Variants in YTHDC1 observed in about 807,000 individuals in gnomAD.
YTHDC1 encodes the protein YTH N6-methyladenosine RNA binding protein C1.
In YTHDC1, 12 loss-of-function variants were observed where a neutral mutation model predicts 107.0. That is an observed-to-expected ratio of 0.11 (90% CI 0.07 to 0.18). The LOEUF (loss-of-function observed/expected upper bound fraction) is 0.18. YTHDC1 is among the 10% of genes least tolerant of loss of function. The probability of loss-of-function intolerance (pLI) is 1.00; values close to 1 mark genes in which losing one functional copy is unlikely to be tolerated. For missense variants in YTHDC1, 635 were observed against 898.8 expected, an observed-to-expected ratio of 0.71 and a Z score of 3.75; for synonymous variants, 280 against 289.5, an observed-to-expected ratio of 0.97 and a Z score of 0.33.
At chr4:68,329,936 A>G (rs1015924089) in intron 9 of YTHDC1, 66 bp downstream of exon 9, 5 of 1,215,734 alleles carry the variant, frequency 4.1e-6, no homozygotes, top group Non-Finnish European at 6.0e-6. Flanking sequence ...TTTCACTTTA[A>G]CACATTATTC....
chr4:68,339,770 A>G (rs1724612048), intron 1 of YTHDC1, among the ~76,000 whole-genome samples: 1 of 152,188 alleles, frequency 6.6e-6, no homozygotes, highest in African/African-American at 2.4e-5. Flanking sequence ...AATGTGCTAT[A>G]TAATAAAAAA....
rs1724291565 is a variant in YTHDC1 at position 68,337,299 on chromosome 4, C to T, written c.611G>A (p.Gly204Glu). The T allele has an allele frequency of 1.2e-6, 2 of 1,613,776 alleles. No homozygotes were observed. Among genetic ancestry groups the T allele is most frequent in the Admixed American group, 1.7e-5 (1 of 59,948 alleles). Residue 204 changes from glycine (G) to glutamate (E), a missense_variant, in exon 4 of 17, where the codon GGA becomes GAA. Coordinates refer to ENST00000344157, the MANE Select transcript of YTHDC1 (RefSeq NM_001031732.4). ...ATCTTCCTCCACATCTTCTTCCACT[C>T]CTTCCTCCTCATTCTCAGTGTTGTT... ...QGNNTENEEE[G>E]VEEDVEEDEE...
At chr4:68,320,299 T>C (rs1722309538) in intron 11 of YTHDC1, 94 bp from the exon 12 acceptor site, 3 of 801,712 alleles carry the variant, frequency 3.7e-6, no homozygotes, top group Non-Finnish European at 3.8e-6. Flanking sequence ...GTACAAAGAA[T>C]AACCCATTAT....
Position 68,312,191 on chromosome 4 carries a change from TA to T in YTHDC1, c.*1907del, listed in dbSNP as rs1185093747. ...TAGAAACACCAAATAAAAACATGGG[TA>T]AAATCTTGGCCCATCAATTACTACC... is the stretch of plus-strand genomic sequence containing the variant. On this transcript the variant is annotated 3_prime_UTR_variant, in exon 17 of 17. Transcript: ENST00000344157. 1.3e-5 allele frequency: 2 copies of T among 152,194 alleles called. No individual in the cohort carries two copies. The highest frequency in any genetic ancestry group is 2.9e-5 in the Non-Finnish European group (2 of 68,022). 9.4% of individuals were successfully genotyped at this position (152,194 alleles called of 1,614,324 possible).
At position 68,325,610 on chromosome 4, in the gene YTHDC1, T is replaced by C. The variant is rs767894666; in HGVS notation, c.1350-1387A>G. Among the ~76,000 whole-genome samples, 6 of 152,146 alleles carry C rather than the reference T, an allele frequency of 3.9e-5. 1 individual carries two copies. The highest frequency in any genetic ancestry group is 7.4e-5 in the Non-Finnish European group (5 of 68,020). ...TTTGCCTTGGCTGATTGTGAATAAA[T>C]GGGCTCAAGCAATCCTCTCACCTCA... On this transcript the variant is annotated intron_variant, in intron 9 of 16. Coordinates refer to ENST00000344157, the MANE Select transcript of YTHDC1 (RefSeq NM_001031732.4).
intron 15 of YTHDC1, among the ~76,000 whole-genome samples, chr4:68,318,247 C>T (rs986842075): frequency 4.6e-5 from 7 of 152,090 alleles, no homozygotes; most frequent in African/African-American, 7.2e-5. Flanking sequence ...TACAGGCACA[C>T]GCCACCACAC....
intron 4 of YTHDC1, among the ~76,000 whole-genome samples, chr4:68,335,653 G>A (rs1458788205): frequency 1.3e-5 from 2 of 151,822 alleles, no homozygotes; most frequent in Non-Finnish European, 2.9e-5. Context: ...ACAACAAAAC[G>A]TTCCCTACCC....
At chr4:68,325,937 T>C (rs576258765) in intron 9 of YTHDC1, among the ~76,000 whole-genome samples, 25 of 152,192 alleles carry the variant, frequency 1.6e-4, no homozygotes, top group African/African-American at 3.9e-4. Context: ...GAATTTTTTT[T>C]CCCCCTTTTC....
chr4:68,319,504 CT>C (rs1303902287), intron 12 of YTHDC1, among the ~76,000 whole-genome samples: 5 of 152,126 alleles, frequency 3.3e-5, no homozygotes, highest in African/African-American at 1.2e-4. Flanking sequence ...AAGAATGAGG[CT>C]AATCAAGCCA....
At chr4:68,314,912 T>C (rs1403141813) in intron 16 of YTHDC1, among the ~76,000 whole-genome samples, 1 of 152,182 alleles carries the variant, frequency 6.6e-6, no homozygotes, top group Non-Finnish European at 1.5e-5. Context: ...CTTACCTTAC[T>C]GATTTTGGTC....
At chr4:68,339,852 T>G (rs1473883886) in intron 1 of YTHDC1, among the ~76,000 whole-genome samples, 4 of 152,192 alleles carry the variant, frequency 2.6e-5, no homozygotes, top group African/African-American at 9.6e-5. Context: ...ATGACTTTAT[T>G]CAATGATCAT....
chr4:68,337,005 T>C (rs1461002506), intron 4 of YTHDC1, 22 bp downstream of exon 4: 3 of 1,550,346 alleles, frequency 1.9e-6, no homozygotes, highest in Admixed American at 2.0e-5. Context: ...TAAGACAAAC[T>C]TTTACATATA....
At chr4:68,332,715 A>G in intron 6 of YTHDC1, 79 bp downstream of exon 6, 1 of 1,243,074 alleles carries the variant, frequency 8.0e-7, no homozygotes, top group Non-Finnish European at 1.2e-6. Flanking sequence ...CATTAAAAGC[A>G]GCTATTAATG....
Position 68,349,808 on chromosome 4 carries a change from G to A in YTHDC1, c.-55C>T. On this transcript the variant is annotated 5_prime_UTR_variant, in exon 1 of 17. Transcript: ENST00000344157. Reference sequence around the variant, plus strand: ...CGCCGCCGCCGCTTAGACGCGACTCGCGCGGGCGCCGCAGCCGCGGCAGAA... The same window carrying A: ...CGCCGCCGCCGCTTAGACGCGACTCACGCGGGCGCCGCAGCCGCGGCAGAA... The A allele has an allele frequency of 6.2e-7, 1 of 1,610,158 alleles. No homozygotes were observed. The highest frequency in any genetic ancestry group is 1.7e-4 in the Middle Eastern group (1 of 6,056).
intron 9 of YTHDC1, among the ~76,000 whole-genome samples, chr4:68,329,679 G>A (rs539458987): frequency 4.0e-5 from 6 of 151,804 alleles, no homozygotes; most frequent in South Asian, 2.1e-4. Context: ...AGTTACCTCC[G>A]AAATTGTTAG....
At chr4:68,336,019 A>G (rs1401282400) in intron 4 of YTHDC1, among the ~76,000 whole-genome samples, 3 of 147,930 alleles carry the variant, frequency 2.0e-5, no homozygotes, top group Non-Finnish European at 4.5e-5. Context: ...TATAAAATAT[A>G]TAGTATAGAT....
chr4:68,338,915 A>G (rs540813758), intron 1 of YTHDC1, among the ~76,000 whole-genome samples: 8 of 152,226 alleles, frequency 5.3e-5, no homozygotes, highest in Non-Finnish European at 1.2e-4. Flanking sequence ...TATACATCTC[A>G]GAAGGCATGA....
In YTHDC1 at chr4:68,343,816, A is replaced by G. The variant is rs563903863; in HGVS notation, c.29-5432T>C. On this transcript the variant is annotated intron_variant, in intron 1 of 16. Transcript: ENST00000344157. ...TTTGTTCCAAAATTAAGATGTCACA[A>G]AAAGATGGATTTTTTTATAATGTGC... Among the ~76,000 whole-genome samples, 23 of 152,146 alleles carry G rather than the reference A, an allele frequency of 1.5e-4. No individual in the cohort carries two copies. The East Asian group carries it at 4.6e-3, about 30-fold the overall frequency.
In YTHDC1 at chr4:68,313,831, AAGAATC is replaced by A; in HGVS notation, c.*262_*267del. ...CACACTATAAGAACATTTATGGAGA[AAGAATC>A]AGTATCTACATTCTTGGACTGTTCC... On this transcript the variant is annotated 3_prime_UTR_variant, in exon 17 of 17. Transcript: ENST00000344157. 1 of 466,454 alleles carries A rather than the reference AAGAATC, an allele frequency of 2.1e-6. No homozygotes were observed. Among genetic ancestry groups the A allele is most frequent in the South Asian group, 3.5e-5 (1 of 28,282 alleles). The allele number at this position is 466,454 out of a possible 1,614,324, so 28.9% of individuals were successfully genotyped here. A position where few individuals can be genotyped will look rare whatever the true frequency, so the allele number is the denominator to read the frequency against.
Sources: allele counts gnomAD v4.1 joint callset (sites outside exome capture counted in the v4.1 genomes callset), GRCh38; gene constraint gnomAD v4.1.1; transcripts MANE v1.5; gene names NCBI Gene and HGNC (gene_info 2026-07-23, HGNC 2026-07-21).